Variants in SKP2 observed in about 807,000 individuals in gnomAD.
SKP2 encodes the protein S-phase kinase-associated protein 2.
SKP2 carries 16 observed loss-of-function variants against 51.8 expected under a neutral mutation model. That is an observed-to-expected ratio of 0.31 (90% CI 0.21 to 0.47). The LOEUF (loss-of-function observed/expected upper bound fraction) is 0.47. SKP2 is among the 20% of genes least tolerant of loss of function. SKP2 has a pLI of 1.00. For synonymous variants in SKP2, 176 were observed against 198.6 expected (o/e 0.89, Z 0.96); for missense variants, 377 against 505.3 (o/e 0.75, Z 2.43).
At chr5:36,166,421 A>G (rs3901238) in intron 3 of SKP2, 98 bp from the exon 4 acceptor site, 1 of 965,944 alleles carries the variant, frequency 1.0e-6, no homozygotes, top group Non-Finnish European at 1.6e-6. Flanking sequence ...TGCTTCAAGG[A>G]GATTTAGCAG....
chr5:36,191,050 T>G (rs1377579676), intron 6 of SKP2, among the ~76,000 whole-genome samples: 1 of 152,212 alleles, frequency 6.6e-6, no homozygotes, highest in African/African-American at 2.4e-5. Context: ...TCCTTGTAAT[T>G]TATTTATTGA....
At chr5:36,180,820 A>G (rs1389926085) in intron 9 of SKP2, among the ~76,000 whole-genome samples, 1 of 152,162 alleles carries the variant, frequency 6.6e-6, no homozygotes, top group African/African-American at 2.4e-5. Flanking sequence ...AATATAAAGG[A>G]TGTTTCTGAC....
chr5:36,155,949 T>G (rs1193362648), intron 2 of SKP2, among the ~76,000 whole-genome samples: 1 of 152,152 alleles, frequency 6.6e-6, no homozygotes, highest in Non-Finnish European at 1.5e-5. Flanking sequence ...TGATTCCCAT[T>G]CAGGTGGATG....
rs143261033 is a variant in SKP2 at position 36,170,267 on chromosome 5, G to A, written c.672-77G>A. On this transcript the variant is annotated intron_variant, in intron 5 of 9. Coordinates refer to ENST00000274255, the MANE Select transcript of SKP2 (RefSeq NM_005983.4). ...AAGACCTGTGAGCTTAACTACACTC[G>A]CCTGCTTTCATCTAAATGTTGTTGA... 1.5e-5 allele frequency: 12 copies of A among 798,470 alleles called. No homozygotes were observed. In the East Asian group the frequency reaches 2.5e-4, roughly 17 times the overall value. 49.5% of individuals were successfully genotyped at this position (798,470 alleles called of 1,614,324 possible).
At chr5:36,172,606 T>G (rs1745509254) in intron 7 of SKP2, among the ~76,000 whole-genome samples, 1 of 152,202 alleles carries the variant, frequency 6.6e-6, no homozygotes, top group African/African-American at 2.4e-5. Flanking sequence ...GTGTTTTGTT[T>G]ATTATAGTTT....
At chr5:36,168,521 G>A in intron 5 of SKP2, 74 bp downstream of exon 5, 1 of 1,422,108 alleles carries the variant, frequency 7.0e-7, no homozygotes, top group Non-Finnish European at 9.9e-7. Context: ...ATATAACTGG[G>A]GTGCCCTTCT....
At chr5:36,178,800 A>C (rs578153650) in intron 9 of SKP2, among the ~76,000 whole-genome samples, 4 of 152,180 alleles carry the variant, frequency 2.6e-5, no homozygotes, top group African/African-American at 9.6e-5. Flanking sequence ...AGAAAGAAAG[A>C]AGCTAAGCAG....
intron 5 of SKP2, among the ~76,000 whole-genome samples, chr5:36,169,362 T>C (rs1041158390): frequency 7.9e-5 from 12 of 151,934 alleles, no homozygotes; most frequent in Admixed American, 3.3e-4. Context: ...GGAGAATCGC[T>C]TGAACCCGGG....
intron 9 of SKP2, chr5:36,180,260 A>T (rs751705361): frequency 7.4e-7 from 1 of 1,348,378 alleles, no homozygotes; most frequent in Non-Finnish European, 9.8e-7. Flanking sequence ...CACATGAGGG[A>T]TTCAAAGTTG....
chr5:36,168,602 A>G (rs996369856), intron 5 of SKP2, among the ~76,000 whole-genome samples, 155 bp downstream of exon 5: 2 of 152,226 alleles, frequency 1.3e-5, no homozygotes, highest in African/African-American at 4.8e-5. Context: ...TTCAGGACTC[A>G]TTGAAGCAAC....
chr5:36,164,654 G>T (rs192195895), intron 3 of SKP2, among the ~76,000 whole-genome samples: 2 of 152,188 alleles, frequency 1.3e-5, no homozygotes, highest in South Asian at 2.1e-4. Flanking sequence ...TAGAAGAGCC[G>T]CAGAGAGGGT....
chr5:36,175,151 C>T (rs1188892899), intron 7 of SKP2, among the ~76,000 whole-genome samples: 1 of 152,020 alleles, frequency 6.6e-6, no homozygotes, highest in Admixed American at 6.6e-5. Context: ...CAGATTTGGG[C>T]ACATTTTAAA....
intron 3 of SKP2, 63 bp from the exon 4 acceptor site, chr5:36,166,456 T>C: frequency 6.9e-7 from 1 of 1,451,294 alleles, no homozygotes; most frequent in African/African-American, 1.4e-5. Context: ...TTAGTAATGT[T>C]GTTGAGGGCT....
chr5:36,189,120 A>C (rs1406195011), downstream of SKP2, among the ~76,000 whole-genome samples: 2 of 152,132 alleles, frequency 1.3e-5, no homozygotes, highest in East Asian at 3.9e-4. Context: ...CTAGTTAGCC[A>C]TTCGTCTAAT....
chr5:36,189,060 T>C (rs1745981266), downstream of SKP2, among the ~76,000 whole-genome samples: 1 of 152,220 alleles, frequency 6.6e-6, no homozygotes, highest in African/African-American at 2.4e-5. Context: ...TCTTGTGCCA[T>C]GGTTTTCAGC....
intron 3 of SKP2, among the ~76,000 whole-genome samples, chr5:36,165,810 A>G (rs1330594871): frequency 1.3e-5 from 2 of 152,234 alleles, no homozygotes; most frequent in Admixed American, 1.3e-4. Flanking sequence ...AAATTGAATT[A>G]AACTATGGAT....
chr5:36,187,976 T>G (rs543505013), downstream of SKP2, among the ~76,000 whole-genome samples: 1 of 152,362 alleles, frequency 6.6e-6, no homozygotes, highest in East Asian at 1.9e-4. Context: ...ATTGATCCCT[T>G]TACCATTATG....
At chr5:36,167,306 C>T (rs1745317816) in intron 4 of SKP2, among the ~76,000 whole-genome samples, 1 of 152,160 alleles carries the variant, frequency 6.6e-6, no homozygotes, top group Non-Finnish European at 1.5e-5. Context: ...TTTCCGTAGT[C>T]AGGACCGCCT....
intron 9 of SKP2, among the ~76,000 whole-genome samples, chr5:36,177,775 G>A (rs1745681469): frequency 6.6e-6 from 1 of 151,968 alleles, no homozygotes; most frequent in Admixed American, 6.6e-5. Flanking sequence ...GCCTGTAGAT[G>A]GTATGTATTG....
Sources: allele counts gnomAD v4.1 joint callset (sites outside exome capture counted in the v4.1 genomes callset), GRCh38; gene constraint gnomAD v4.1.1; transcripts MANE v1.5; gene names NCBI Gene and HGNC (gene_info 2026-07-23, HGNC 2026-07-21).